KCNH8: variants seen among roughly 807,000 people sequenced by gnomAD.
KCNH8 encodes potassium voltage-gated channel subfamily H member 8.
KCNH8 carries 70 observed loss-of-function variants against 103.6 expected under a neutral mutation model. That is an observed-to-expected ratio of 0.68 (90% confidence interval 0.56 to 0.82). The LOEUF is 0.82. Among genes scored for constraint, KCNH8 ranks in the 40% least tolerant of loss-of-function variants. The pLI, the probability that KCNH8 is intolerant of heterozygous loss-of-function variation, is 0.00. For synonymous variants in KCNH8, 498 were observed against 489.4 expected (o/e 1.02, Z -0.23); for missense variants, 1,217 against 1,329.9 (o/e 0.92, Z 1.32).
intron 3 of KCNH8, among the ~76,000 whole-genome samples, chr3:19,295,505 A>G (rs577315459): frequency 8.7e-4 from 132 of 152,318 alleles, no homozygotes; most frequent in African/African-American, 3.0e-3. Context: ...GATGTTCGCT[A>G]TATCCAGCAA....
In KCNH8 at chr3:19,178,985, T is replaced by C. The variant is rs543154616; in HGVS notation, c.76+30190T>C. Among the ~76,000 whole-genome samples, 6 of 152,270 alleles carry C rather than the reference T, an allele frequency of 3.9e-5. No homozygotes were observed. In the East Asian group the frequency reaches 1.2e-3, roughly 29 times the overall value. ...ATTGTATTCATAGTATTATGTTACC[T>C]GAACCAGAGTGGGAAATTTGAATTA... is the stretch of plus-strand genomic sequence containing the variant. On this transcript the variant is annotated intron_variant, in intron 1 of 15. Coordinates refer to ENST00000328405, the MANE Select transcript of KCNH8 (RefSeq NM_144633.3).
intron 7 of KCNH8, among the ~76,000 whole-genome samples, chr3:19,399,769 T>C (rs1207005376): frequency 6.6e-6 from 1 of 151,946 alleles, no homozygotes; most frequent in Admixed American, 6.6e-5. Flanking sequence ...AATGTAGAAC[T>C]GAAATAGCAA....
Position 19,324,307 on chromosome 3 carries a change from A to G in KCNH8, c.443-18280A>G, listed in dbSNP as rs548291071. The stretch of plus-strand genomic sequence containing the variant: ...CTGGGGAGGCCTCGGGAAACTTACA[A>G]TCATGGCAGAAGGTAAAGAAGAAAG... On this transcript the variant is annotated intron_variant, in intron 3 of 15. Transcript: ENST00000328405. Among the ~76,000 whole-genome samples the G allele has an allele frequency of 1.7e-4, 26 of 152,294 alleles. No homozygotes were observed. In the South Asian group the frequency reaches 4.6e-3, roughly 27 times the overall value.
intron 10 of KCNH8, among the ~76,000 whole-genome samples, chr3:19,452,379 CAG>C (rs2067462191): frequency 6.6e-6 from 1 of 151,958 alleles, no homozygotes; most frequent in African/African-American, 2.4e-5. Flanking sequence ...GAGAGAGAGA[CAG>C]AGTCTCAAAA....
intron 3 of KCNH8, among the ~76,000 whole-genome samples, chr3:19,284,621 A>G (rs1196539596): frequency 6.6e-6 from 1 of 151,746 alleles, no homozygotes; most frequent in East Asian, 1.9e-4. Flanking sequence ...CCACCTTTAA[A>G]ACTACCTTCT....
At position 19,522,555 on chromosome 3, in the gene KCNH8, T is replaced by C. The variant is rs563833281; in HGVS notation, c.2619+4481T>C. Among the ~76,000 whole-genome samples the C allele has an allele frequency of 6.8e-4, 104 of 151,964 alleles. 4 individuals carry two copies. The South Asian group carries it at 0.021, about 31-fold the overall frequency. ...CAGTATGCTATATTCAGTCTACTGA[T>C]TCAAATGCTAATCTCATCCAGAAAC... is the stretch of plus-strand genomic sequence containing the variant. On this transcript the variant is annotated intron_variant, in intron 15 of 15. Coordinates refer to ENST00000328405, the MANE Select transcript of KCNH8 (RefSeq NM_144633.3).
chr3:19,510,256 T>A (rs1460428828), intron 11 of KCNH8, 107 bp from the exon 12 acceptor site: 6 of 723,504 alleles, frequency 8.3e-6, no homozygotes, highest in Non-Finnish European at 1.5e-5. Context: ...GCTCCTTCCC[T>A]CCCACAAACT....
chr3:19,149,450 G>T (rs1483607130), intron 1 of KCNH8, among the ~76,000 whole-genome samples: 1 of 145,114 alleles, frequency 6.9e-6, no homozygotes, highest in African/African-American at 2.5e-5. Flanking sequence ...AAAGTTTTTA[G>T]TTTTTTTTTT....
chr3:19,276,865 C>A (rs2064680376), intron 2 of KCNH8, among the ~76,000 whole-genome samples: 1 of 151,940 alleles, frequency 6.6e-6, no homozygotes, highest in Admixed American at 6.6e-5. Flanking sequence ...TGTATATATC[C>A]CAAAGAAAGG....
chr3:19,329,919 C>G (rs1559479138), intron 3 of KCNH8, among the ~76,000 whole-genome samples: 1 of 144,624 alleles, frequency 6.9e-6, no homozygotes, highest in Admixed American at 7.0e-5. Context: ...TGGCTTTTAG[C>G]TTTTTTTTTT....
chr3:19,487,128 G>A (rs1338140996), intron 11 of KCNH8, among the ~76,000 whole-genome samples: 1 of 152,184 alleles, frequency 6.6e-6, no homozygotes, highest in African/African-American at 2.4e-5. Context: ...AAGATAGTAG[G>A]GGAGTTCTTG....
At chr3:19,504,082 G>T (rs1267286269) in intron 11 of KCNH8, among the ~76,000 whole-genome samples, 1 of 152,092 alleles carries the variant, frequency 6.6e-6, no homozygotes, top group African/African-American at 2.4e-5. Flanking sequence ...ACAAAAACCA[G>T]CAATGGGGAA....
At chr3:19,476,844 A>G (rs999592814) in intron 11 of KCNH8, among the ~76,000 whole-genome samples, 5 of 152,158 alleles carry the variant, frequency 3.3e-5, no homozygotes, top group African/African-American at 1.2e-4. Context: ...ATAGGTATCA[A>G]GAAACTTCTT....
At chr3:19,461,195 T>A (rs893909645) in intron 11 of KCNH8, among the ~76,000 whole-genome samples, 1 of 152,206 alleles carries the variant, frequency 6.6e-6, no homozygotes, top group Non-Finnish European at 1.5e-5. Flanking sequence ...CCTTATGAGT[T>A]ACATTTTAAA....
chr3:19,443,615 A>T (rs1019081055), intron 8 of KCNH8, among the ~76,000 whole-genome samples: 5 of 151,756 alleles, frequency 3.3e-5, no homozygotes, highest in Non-Finnish European at 5.9e-5. Context: ...TCTAAAAATT[A>T]TACATAGACA....
At chr3:19,382,857 T>A (rs2125125813) in intron 5 of KCNH8, among the ~76,000 whole-genome samples, 1 of 152,218 alleles carries the variant, frequency 6.6e-6, no homozygotes, top group Non-Finnish European at 1.5e-5. Context: ...AGTGTAAAGT[T>A]TTATGTCTCA....
chr3:19,339,527 C>T lies in KCNH8; in HGVS notation c.443-3060C>T, dbSNP rs138125006. On this transcript the variant is annotated intron_variant, in intron 3 of 15. Coordinates refer to ENST00000328405, the MANE Select transcript of KCNH8 (RefSeq NM_144633.3). ...TATGTAAGTCAAAAAATTTAACACA[C>T]GAAGATATGATCTTAACTTTTCGCA... Among the ~76,000 whole-genome samples the T allele has an allele frequency of 3.3e-5, 5 of 152,126 alleles. No homozygotes were observed. The East Asian group carries it at 5.8e-4, about 18-fold the overall frequency.
chr3:19,400,565 C>T (rs954640724), intron 7 of KCNH8, among the ~76,000 whole-genome samples: 19 of 151,818 alleles, frequency 1.3e-4, no homozygotes, highest in Admixed American at 1.1e-3. Context: ...TATCTCTTAC[C>T]CTTTGGCTGG....
At chr3:19,373,367 C>A (rs1373595022) in intron 5 of KCNH8, among the ~76,000 whole-genome samples, 1 of 152,058 alleles carries the variant, frequency 6.6e-6, no homozygotes, top group African/African-American at 2.4e-5. Context: ...GGAATTTATC[C>A]ATTTCTTCTA....
Sources: gnomAD v4.1 joint callset for allele counts (sites outside exome capture counted in the v4.1 genomes callset) on GRCh38, gnomAD v4.1.1 for gene constraint, MANE v1.5 for transcripts, NCBI Gene and HGNC (gene_info 2026-07-23, HGNC 2026-07-21) for gene names.